ATF7IP2: variants seen among roughly 807,000 people sequenced by gnomAD.
ATF7IP2 encodes activating transcription factor 7 interacting protein 2, also known as activating transcription factor 7-interacting protein 2.
A neutral mutation model predicts 64.2 loss-of-function variants in ATF7IP2; 42 were observed. That is an observed-to-expected ratio of 0.65 (90% confidence interval 0.51 to 0.85). ATF7IP2 has a LOEUF of 0.85. ATF7IP2 is among the 40% of genes least tolerant of loss of function. ATF7IP2 has a pLI of 0.00. For missense variants in ATF7IP2, 933 were observed against 784.2 expected, an observed-to-expected ratio of 1.19 and a Z score of -2.27; for synonymous variants, 308 against 272.8, an observed-to-expected ratio of 1.13 and a Z score of -1.27.
intron 1 of ATF7IP2, among the ~76,000 whole-genome samples, chr16:10,401,196 T>C (rs2047526428): frequency 6.6e-6 from 1 of 152,120 alleles, no homozygotes; most frequent in Non-Finnish European, 1.5e-5. Flanking sequence ...AGATGGAGTT[T>C]TGTTCTTGTT....
intron 6 of ATF7IP2, among the ~76,000 whole-genome samples, chr16:10,434,755 GTC>G (rs1248136728): frequency 6.6e-6 from 1 of 152,184 alleles, no homozygotes; most frequent in Non-Finnish European, 1.5e-5. Flanking sequence ...TTCCAGCTGT[GTC>G]TTGTTTCCAG....
intron 9 of ATF7IP2, among the ~76,000 whole-genome samples, chr16:10,460,547 C>G (rs1264302192): frequency 6.6e-6 from 1 of 152,118 alleles, no homozygotes; most frequent in Non-Finnish European, 1.5e-5. Flanking sequence ...AGTCCGGAAA[C>G]CCATGTATGT....
At chr16:10,393,304 A>G (rs1378810952) in intron 1 of ATF7IP2, among the ~76,000 whole-genome samples, 1 of 121,044 alleles carries the variant, frequency 8.3e-6, no homozygotes, top group Non-Finnish European at 1.7e-5. Context: ...TGACAGAGTG[A>G]GACTCTGTCT....
chr16:10,410,185 T>G (rs1037851991), intron 1 of ATF7IP2, among the ~76,000 whole-genome samples: 2 of 152,202 alleles, frequency 1.3e-5, no homozygotes, highest in African/African-American at 4.8e-5. Context: ...TTCACAGTAT[T>G]GTCTCTACCC....
chr16:10,442,443 T>C (rs989784604), intron 8 of ATF7IP2, among the ~76,000 whole-genome samples: 1 of 152,224 alleles, frequency 6.6e-6, no homozygotes, highest in Non-Finnish European at 1.5e-5. Context: ...AGTTTTATTG[T>C]TTTATTGAAC....
intron 4 of ATF7IP2, among the ~76,000 whole-genome samples, chr16:10,429,250 C>T (rs774701903): frequency 3.3e-5 from 5 of 152,178 alleles, no homozygotes; most frequent in African/African-American, 9.7e-5. Flanking sequence ...ATATAATACA[C>T]AGTCCTATAG....
intron 6 of ATF7IP2, among the ~76,000 whole-genome samples, chr16:10,435,350 A>T (rs2048384444): frequency 6.6e-6 from 1 of 152,194 alleles, no homozygotes. Context: ...GTCTTAAGTT[A>T]TTCACTCTAC....
At chr16:10,427,729 C>T (rs1382108070) in intron 3 of ATF7IP2, among the ~76,000 whole-genome samples, 2 of 151,890 alleles carry the variant, frequency 1.3e-5, no homozygotes, top group Non-Finnish European at 2.9e-5. Flanking sequence ...TGTGGTGGTG[C>T]ATGCCTGTAA....
At position 10,431,270 on chromosome 16, in the gene ATF7IP2, A is replaced by T. The variant is rs1370967412; in HGVS notation, c.650A>T (p.Asn217Ile). Residue 217 changes from asparagine (N) to isoleucine (I), a missense_variant, in exon 5 of 14, where the codon AAC becomes ATC. Physicochemically the swap from Asn to Ile is moderately radical, Grantham distance 149 (BLOSUM62 -3). Transcript: ENST00000562102. ...TCACATGATAAAAGGCAAAGTGACA[A>T]CATTTTATGTTCAGAAGACTCAGGT... ...SESHDKRQSDNILCSEDSGFV... is the reference protein window; with the variant it reads ...SESHDKRQSDIILCSEDSGFV... 1 of 1,614,210 alleles carries T rather than the reference A, an allele frequency of 6.2e-7. No homozygotes were observed. The highest frequency in any genetic ancestry group is 1.1e-5 in the South Asian group (1 of 91,088).
At chr16:10,459,337 G>A (rs1199716468) in intron 9 of ATF7IP2, among the ~76,000 whole-genome samples, 4 of 151,992 alleles carry the variant, frequency 2.6e-5, no homozygotes, top group South Asian at 2.1e-4. Context: ...GCATGGTGGC[G>A]GGTGCCTGTA....
At chr16:10,428,258 A>G (rs530571625) in intron 3 of ATF7IP2, among the ~76,000 whole-genome samples, 21 of 152,296 alleles carry the variant, frequency 1.4e-4, no homozygotes, top group African/African-American at 5.1e-4. Context: ...ACTTTATTAT[A>G]CTTTGTAATT....
rs1476575065 is a variant in ATF7IP2, at chr16:10,412,010, G to GGTTTTTTTTTTTTTTTTTTTTTTTTTT, written c.-241-2564_-241-2563insGTTTTTTTTTTTTTTTTTTTTTTTTTT. ...CTTTTTGTTTCATTTATCTTTTTTT[G>GGTTTTTTTTTTTTTTTTTTTTTTTTTT]TTTTTTTTTTTTTTTTTTTTTTTTT... is the stretch of plus-strand genomic sequence containing the variant. On this transcript the variant is annotated intron_variant, in intron 1 of 13. Transcript: ENST00000562102. Among the ~76,000 whole-genome samples, 51 of 58,390 alleles carry GGTTTTTTTTTTTTTTTTTTTTTTTTTT rather than the reference G, an allele frequency of 8.7e-4. 6 individuals carry two copies. The highest frequency in any genetic ancestry group is 1.6e-3 in the South Asian group (3 of 1,896). 38.3% of individuals were successfully genotyped at this position (58,390 alleles called of 152,430 possible). A position where few individuals can be genotyped will look rare whatever the true frequency, so the allele number is the denominator to read the frequency against.
chr16:10,461,417 AT>A (rs1213239998), intron 9 of ATF7IP2, among the ~76,000 whole-genome samples: 1 of 152,122 alleles, frequency 6.6e-6, no homozygotes, highest in Non-Finnish European at 1.5e-5. Context: ...TATTAGCAGC[AT>A]TTTTTATAAT....
At chr16:10,474,254 C>A (rs1396706874) in intron 12 of ATF7IP2, among the ~76,000 whole-genome samples, 1 of 152,298 alleles carries the variant, frequency 6.6e-6, no homozygotes, top group East Asian at 1.9e-4. Flanking sequence ...TGTTATTTCA[C>A]AAATTTACAT....
In ATF7IP2 at chr16:10,431,205, C is replaced by T. The variant is rs118085445; in HGVS notation, c.585C>T (p.Asp195=). ...GTACCGTGGGTGACAAGAAAACTGA[C>T]CAGATGGTTTTCCATTTAGAAACAA... The part of the protein sequence containing the change: ...VTSTVGDKKT[D]QMVFHLETNS... Residue 195 remains aspartate, a synonymous_variant, in exon 5 of 14, where the codon GAC becomes GAT. Transcript: ENST00000562102. 5.6e-3 allele frequency: 9,031 copies of T among 1,614,114 alleles called. 39 individuals carry two copies. Among genetic ancestry groups the T allele is most frequent in the Non-Finnish European group, 6.7e-3 (7,919 of 1,180,006 alleles).
intron 12 of ATF7IP2, among the ~76,000 whole-genome samples, chr16:10,479,916 A>AAAAC (rs2050152997): frequency 6.7e-6 from 1 of 149,318 alleles, no homozygotes; most frequent in African/African-American, 2.5e-5. Context: ...ACCATTGTAG[A>AAAAC]AAACAGTCTG....
chr16:10,425,067 T>A (rs533303123), intron 3 of ATF7IP2, among the ~76,000 whole-genome samples: 1 of 151,186 alleles, frequency 6.6e-6, no homozygotes, highest in African/African-American at 2.4e-5. Context: ...TTTTTTTTTT[T>A]TTTTTTTTGA....
intron 8 of ATF7IP2, chr16:10,446,359 C>A (rs1241093295): frequency 6.6e-6 from 1 of 152,152 alleles, no homozygotes; most frequent in African/African-American, 2.4e-5. Context: ...AGTCAGTAAG[C>A]CACCTTCCTG....
intron 1 of ATF7IP2, among the ~76,000 whole-genome samples, chr16:10,407,966 C>T (rs1214687532): frequency 1.3e-5 from 2 of 151,362 alleles, no homozygotes; most frequent in Non-Finnish European, 2.9e-5. Flanking sequence ...GGCTGGAGTG[C>T]AGTGGCATGA....
Sources: allele counts gnomAD v4.1 joint callset (sites outside exome capture counted in the v4.1 genomes callset), GRCh38; gene constraint gnomAD v4.1.1; transcripts MANE v1.5; gene names NCBI Gene and HGNC (gene_info 2026-07-23, HGNC 2026-07-21).